ABCC9: variants seen among roughly 807,000 people sequenced by gnomAD.
ABCC9 encodes ATP binding cassette subfamily C member 9.
A neutral mutation model predicts 188.3 loss-of-function variants in ABCC9; 95 were observed. The ratio of observed to expected loss-of-function variants is 0.50; its 90% confidence interval spans 0.43 to 0.60. ABCC9 has a LOEUF of 0.60. Ranked by LOEUF, ABCC9 falls within the 20% of genes least tolerant of loss-of-function variation. ABCC9 has a pLI of 0.00. For synonymous variants in ABCC9, 659 were observed against 652.7 expected, an observed-to-expected ratio of 1.01 and a Z score of -0.15; for missense variants, 1,102 against 1,876.3, an observed-to-expected ratio of 0.59 and a Z score of 7.62.
intron 5 of ABCC9, among the ~76,000 whole-genome samples, chr12:21,921,778 T>C (rs759642573): frequency 7.2e-5 from 11 of 152,088 alleles, no homozygotes; most frequent in Admixed American, 1.3e-4. Flanking sequence ...CTAGTTTTGT[T>C]CTTCTGCATA....
intron 12 of ABCC9, 127 bp downstream of exon 12, chr12:21,905,999 G>A (rs951984636): frequency 9.2e-7 from 1 of 1,088,914 alleles, no homozygotes; most frequent in Admixed American, 1.8e-5. Context: ...GACAGCACGT[G>A]TTTAGAAAAT....
At chr12:21,935,380 C>T (rs1158572686) in intron 3 of ABCC9, among the ~76,000 whole-genome samples, 1 of 152,048 alleles carries the variant, frequency 6.6e-6, no homozygotes, top group Non-Finnish European at 1.5e-5. Context: ...TAACTATGTA[C>T]CAAGAATTAT....
intron 30 of ABCC9, among the ~76,000 whole-genome samples, chr12:21,834,784 T>TACACAC (rs72277724): frequency 3.3e-5 from 1 of 30,364 alleles, no homozygotes; most frequent in South Asian, 1.5e-3. Flanking sequence ...TATATAACAT[T>TACACAC]ATACACACAC....
At chr12:21,870,857 A>G (rs1946038034) in intron 18 of ABCC9, among the ~76,000 whole-genome samples, 1 of 152,234 alleles carries the variant, frequency 6.6e-6, no homozygotes, top group African/African-American at 2.4e-5. Flanking sequence ...ATGCTTAGGA[A>G]AGCAAGAAAA....
intron 5 of ABCC9, chr12:21,923,096 A>G (rs1948900449): frequency 7.1e-6 from 1 of 140,686 alleles, no homozygotes; most frequent in Admixed American, 7.1e-5. Context: ...AAAAAAAAAA[A>G]AGAACTTTGA....
At chr12:21,844,332 C>A (rs1944525312) in intron 28 of ABCC9, 151 bp downstream of exon 28, 2 of 659,422 alleles carry the variant, frequency 3.0e-6, no homozygotes, top group Non-Finnish European at 5.4e-6. Flanking sequence ...TTCTAGATAT[C>A]ATTTGCATGT....
intron 16 of ABCC9, among the ~76,000 whole-genome samples, chr12:21,880,965 C>T (rs761534907): frequency 1.6e-4 from 25 of 151,964 alleles, no homozygotes; most frequent in Non-Finnish European, 2.8e-4. Context: ...AATAGAACAG[C>T]AATGAGAGTG....
intron 18 of ABCC9, among the ~76,000 whole-genome samples, chr12:21,869,009 G>A (rs1015131849): frequency 2.6e-5 from 4 of 151,960 alleles, no homozygotes; most frequent in African/African-American, 9.7e-5. Context: ...AGGATATTAT[G>A]AAAAAAATAA....
At position 21,936,630 on chromosome 12, in the gene ABCC9, G is replaced by C; in HGVS notation, c.45C>G (p.Ile15Met). Residue 15 changes from isoleucine to methionine, a missense_variant, in exon 3 of 40, where the codon ATC becomes ATG. By Grantham distance (10) the Ile-to-Met change is conservative. Transcript: ENST00000261200. ...FCGNNISSYN[I>M]NDGVLQNSCF... is the part of the protein sequence containing the mutation. ...AGGAATTTTGTAGTACACCATCGTT[G>C]ATATTATATGAAGAAATGTTGTTAC... 6.2e-7 allele frequency: 1 copy of C among 1,610,910 alleles called. No individual in the cohort carries two copies. The highest frequency in any genetic ancestry group is 1.3e-5 in the African/African-American group (1 of 74,952).
chr12:21,914,363 C>G (rs1948447267), intron 7 of ABCC9, among the ~76,000 whole-genome samples: 1 of 152,100 alleles, frequency 6.6e-6, no homozygotes, highest in Non-Finnish European at 1.5e-5. Flanking sequence ...TCCAAAGACT[C>G]TCATCTTTAA....
intron 19 of ABCC9, 95 bp downstream of exon 19, chr12:21,864,344 A>G (rs568078730): frequency 1.1e-5 from 10 of 943,174 alleles, no homozygotes; most frequent in African/African-American, 3.3e-5. Context: ...ATAAATAACT[A>G]TACATTATCA....
chr12:21,852,006 T>G, intron 24 of ABCC9, 91 bp downstream of exon 24: 2 of 1,444,264 alleles, frequency 1.4e-6, no homozygotes, highest in East Asian at 2.4e-5. Flanking sequence ...AAGTATTAAA[T>G]GGTAATTTTT....
At chr12:21,872,555 C>CT in intron 18 of ABCC9, 70 bp downstream of exon 18, 1 of 1,229,506 alleles carries the variant, frequency 8.1e-7, no homozygotes, top group Non-Finnish European at 1.2e-6. Context: ...ATGTATTTGT[C>CT]TAAGTTCTTT....
intron 5 of ABCC9, chr12:21,925,607 C>T (rs1949013847): frequency 1.5e-6 from 1 of 672,250 alleles, no homozygotes; most frequent in South Asian, 1.6e-5. Flanking sequence ...CGCAGCTCCT[C>T]ACAAGAGCTC....
intron 2 of ABCC9, among the ~76,000 whole-genome samples, chr12:21,939,217 C>T (rs1171576633): frequency 6.6e-6 from 1 of 152,068 alleles, no homozygotes. Context: ...CATTTCCGGC[C>T]GGCTCTGAAC....
chr12:21,894,874 A>C (rs1248315542), intron 13 of ABCC9, among the ~76,000 whole-genome samples: 1 of 152,248 alleles, frequency 6.6e-6, no homozygotes, highest in Non-Finnish European at 1.5e-5. Context: ...ATCTAGCTCC[A>C]TCTTGTTGTA....
intron 15 of ABCC9, among the ~76,000 whole-genome samples, chr12:21,886,816 T>C (rs1226829554): frequency 6.6e-6 from 1 of 152,084 alleles, no homozygotes; most frequent in Non-Finnish European, 1.5e-5. Flanking sequence ...TACCTCAAGA[T>C]CTTTGCATCT....
At chr12:21,876,536 G>GTTTA (rs1946358255) in intron 16 of ABCC9, among the ~76,000 whole-genome samples, 1 of 152,200 alleles carries the variant, frequency 6.6e-6, no homozygotes, top group Admixed American at 6.5e-5. Context: ...AACATTGCTT[G>GTTTA]TGGTATAAAC....
intron 35 of ABCC9, 112 bp downstream of exon 35, chr12:21,814,532 G>T: frequency 4.6e-6 from 4 of 878,246 alleles, no homozygotes; most frequent in Non-Finnish European, 5.7e-6. Flanking sequence ...CATGTGTAGA[G>T]CACAAAGTCC....
Sources: gnomAD v4.1 joint callset for allele counts (sites outside exome capture counted in the v4.1 genomes callset) on GRCh38, gnomAD v4.1.1 for gene constraint, MANE v1.5 for transcripts, NCBI Gene and HGNC (gene_info 2026-07-23, HGNC 2026-07-21) for gene names.